The following ROBO2 variants were observed in gnomAD, a reference collection of about 807,000 sequenced individuals.
ROBO2 encodes roundabout homolog 2.
ROBO2 carries 53 observed loss-of-function variants against 160.8 expected under a neutral mutation model. The ratio of observed to expected loss-of-function variants is 0.33; its 90% CI spans 0.26 to 0.41. The LOEUF is 0.41. ROBO2 is among the 10% of genes least tolerant of loss of function. The probability of loss-of-function intolerance (pLI) is 1.00; values close to 1 mark genes in which losing one functional copy is unlikely to be tolerated. For missense variants in ROBO2, 1,577 were observed against 1,722.4 expected (o/e 0.92, Z 1.49); for synonymous variants, 664 against 611.7 (o/e 1.09, Z -1.26).
chr3:76,408,006 A>G (rs777903661), intron 2 of ROBO2, among the ~76,000 whole-genome samples: 1 of 152,024 alleles, frequency 6.6e-6, no homozygotes, highest in Non-Finnish European at 1.5e-5. Flanking sequence ...GTGGCCCAAG[A>G]CAATTTTTCT....
In ROBO2 at chr3:76,738,055, G is replaced by A. The variant is rs1270329055; in HGVS notation, c.110-359959G>A. Reference sequence around the variant, plus strand: ...AGACTGTGGTGGGAGGATCACTTCAGCCCAGGAGGTCGAGGCTGCAGTGAG... The same window carrying A: ...AGACTGTGGTGGGAGGATCACTTCAACCCAGGAGGTCGAGGCTGCAGTGAG... On this transcript the variant is annotated intron_variant, in intron 2 of 26. Transcript: ENST00000487694. Among the ~76,000 whole-genome samples the A allele has an allele frequency of 3.3e-5, 5 of 151,948 alleles. No homozygotes were observed. The East Asian group carries it at 9.7e-4, about 29-fold the overall frequency.
chr3:75,929,352 A>G (rs553985499), intron 1 of ROBO2, among the ~76,000 whole-genome samples: 3 of 152,292 alleles, frequency 2.0e-5, no homozygotes, highest in Middle Eastern at 6.8e-3. Context: ...TTTTGTGTTA[A>G]ATCTTAATTT....
chr3:77,065,647 T>C (rs1043628234), intron 1 of ROBO2, among the ~76,000 whole-genome samples: 4 of 152,182 alleles, frequency 2.6e-5, no homozygotes, highest in Non-Finnish European at 5.9e-5. Flanking sequence ...GGCCCAAATT[T>C]AAACATTTCT....
At chr3:77,255,488 G>A (rs2090821368) in intron 2 of ROBO2, among the ~76,000 whole-genome samples, 1 of 152,186 alleles carries the variant, frequency 6.6e-6, no homozygotes, top group Non-Finnish European at 1.5e-5. Flanking sequence ...ATTGACCTCT[G>A]AAGTGCTGAG....
At chr3:76,931,732 A>G (rs1044373758) in intron 2 of ROBO2, among the ~76,000 whole-genome samples, 1 of 152,058 alleles carries the variant, frequency 6.6e-6, no homozygotes, top group Non-Finnish European at 1.5e-5. Flanking sequence ...CTCAAGCTGG[A>G]GTGCAGTGGC....
chr3:76,230,760 A>G (rs1321360670), intron 2 of ROBO2, among the ~76,000 whole-genome samples: 1 of 152,162 alleles, frequency 6.6e-6, no homozygotes, highest in African/African-American at 2.4e-5. Context: ...TTAAAGTCTT[A>G]ACCTCTAATA....
intron 2 of ROBO2, among the ~76,000 whole-genome samples, chr3:75,960,591 G>T (rs555544435): frequency 5.1e-4 from 77 of 151,820 alleles, no homozygotes; most frequent in African/African-American, 1.6e-3. Context: ...AAGCTAATAA[G>T]GTGGCTTTTA....
intron 2 of ROBO2, among the ~76,000 whole-genome samples, chr3:76,505,721 C>A (rs2080758122): frequency 6.6e-6 from 1 of 152,108 alleles, no homozygotes; most frequent in South Asian, 2.1e-4. Flanking sequence ...ACATTTTTTC[C>A]CCTAGAGCCT....
intron 2 of ROBO2, among the ~76,000 whole-genome samples, chr3:77,268,914 T>C (rs1407594363): frequency 1.3e-5 from 2 of 152,216 alleles, no homozygotes; most frequent in Admixed American, 6.5e-5. Flanking sequence ...TGAGTATCTC[T>C]AGTTATATTC....
chr3:77,427,043 A>G (rs576124361), intron 2 of ROBO2, among the ~76,000 whole-genome samples: 3 of 152,302 alleles, frequency 2.0e-5, no homozygotes, highest in Non-Finnish European at 2.9e-5. Flanking sequence ...TGAAGCCTCT[A>G]AAAGTGACAT....
intron 2 of ROBO2, among the ~76,000 whole-genome samples, chr3:76,761,159 C>T (rs1436940267): frequency 6.6e-6 from 1 of 151,692 alleles, no homozygotes; most frequent in Non-Finnish European, 1.5e-5. Flanking sequence ...ATTTGTTAAA[C>T]ACAAATAGCA....
intron 2 of ROBO2, among the ~76,000 whole-genome samples, chr3:76,238,766 TC>T (rs1705113812): frequency 6.6e-6 from 1 of 151,856 alleles, no homozygotes; most frequent in Non-Finnish European, 1.5e-5. Context: ...ACCTCCATGA[TC>T]TAATCAACTC....
chr3:77,065,245 C>T (rs1214680313), intron 1 of ROBO2, among the ~76,000 whole-genome samples: 1 of 152,136 alleles, frequency 6.6e-6, no homozygotes, highest in African/African-American at 2.4e-5. Context: ...CAATAAATCA[C>T]ATATTAAAGA....
chr3:77,161,404 C>G (rs1175097916), intron 2 of ROBO2, among the ~76,000 whole-genome samples: 1 of 152,154 alleles, frequency 6.6e-6, no homozygotes, highest in Non-Finnish European at 1.5e-5. Flanking sequence ...TCTCTGATGA[C>G]CACTCTTCAA....
In ROBO2 at chr3:77,644,916, G is replaced by T; in HGVS notation, c.4135+12G>T. ...TACAGGTGAATTATGTAAGTGCTTAGGTCATTTAAAAGGCTATCGTGATTC... is the reference window on the plus strand; with the variant it reads ...TACAGGTGAATTATGTAAGTGCTTATGTCATTTAAAAGGCTATCGTGATTC... On this transcript the variant is annotated intron_variant, in intron 25 of 25. Transcript: ENST00000461745. 2 of 1,612,774 alleles carry T rather than the reference G, an allele frequency of 1.2e-6. No homozygotes were observed. The highest frequency in any genetic ancestry group is 8.5e-7 in the Non-Finnish European group (1 of 1,178,850).
At chr3:76,923,953 T>A (rs1294178189) in intron 2 of ROBO2, among the ~76,000 whole-genome samples, 1 of 152,236 alleles carries the variant, frequency 6.6e-6, no homozygotes, top group African/African-American at 2.4e-5. Context: ...ATGAGGTAAA[T>A]TGGAATCAAT....
chr3:76,124,658 T>G (rs1168335147), intron 2 of ROBO2, among the ~76,000 whole-genome samples: 1 of 152,170 alleles, frequency 6.6e-6, no homozygotes, highest in East Asian at 1.9e-4. Flanking sequence ...GCAATGAGAT[T>G]GTAATAAGAT....
intron 2 of ROBO2, among the ~76,000 whole-genome samples, chr3:77,202,001 A>T (rs1462147524): frequency 6.6e-6 from 1 of 152,208 alleles, no homozygotes; most frequent in East Asian, 1.9e-4. Context: ...GGATTAAAAC[A>T]AATTATATAT....
intron 16 of ROBO2, among the ~76,000 whole-genome samples, chr3:77,585,489 G>A (rs1311952220): frequency 6.6e-6 from 1 of 151,910 alleles, no homozygotes; most frequent in Non-Finnish European, 1.5e-5. Flanking sequence ...TTTCATACAA[G>A]TGTTTTCACA....
Sources: gnomAD v4.1 joint callset for allele counts (sites outside exome capture counted in the v4.1 genomes callset) on GRCh38, gnomAD v4.1.1 for gene constraint, MANE v1.5 for transcripts, NCBI Gene and HGNC (gene_info 2026-07-23, HGNC 2026-07-21) for gene names.